Variants in RANBP2 observed in about 807,000 individuals in gnomAD.
RANBP2 encodes the protein E3 SUMO-protein ligase RanBP2.
Under a neutral mutation model 303.6 loss-of-function variants are expected in RANBP2, and 57 were observed. The ratio of observed to expected loss-of-function variants is 0.19; its 90% CI spans 0.15 to 0.23. The LOEUF (loss-of-function observed/expected upper bound fraction) is 0.23. RANBP2 is among the 10% of genes least tolerant of loss of function. The pLI is 1.00. For synonymous variants in RANBP2, 1,167 were observed against 1,301.5 expected, an observed-to-expected ratio of 0.90 and a Z score of 2.23; for missense variants, 3,138 against 3,780.8, an observed-to-expected ratio of 0.83 and a Z score of 4.46.
chr2:109,033,977 G>A, the RANBP2 span, among the ~76,000 whole-genome samples: 1 of 144,712 alleles, frequency 6.9e-6, no homozygotes, highest in Non-Finnish European at 1.5e-5. Flanking sequence ...AAAAGGTAAG[G>A]TTCAGCCAGG....
chr2:108,845,606 C>T, the RANBP2 span, among the ~76,000 whole-genome samples: 4 of 139,206 alleles, frequency 2.9e-5, no homozygotes, highest in East Asian at 8.3e-4. Flanking sequence ...GAGTCTCGCT[C>T]TGTCACCCAG....
chr2:109,466,442 G>T, the RANBP2 span, among the ~76,000 whole-genome samples: 1 of 152,192 alleles, frequency 6.6e-6, no homozygotes, highest in East Asian at 1.9e-4. Context: ...TGGGTTGTTT[G>T]TTTTCTTATA....
the RANBP2 span, among the ~76,000 whole-genome samples, chr2:109,194,641 C>G: frequency 6.6e-6 from 1 of 152,214 alleles, no homozygotes; most frequent in African/African-American, 2.4e-5. Flanking sequence ...TCTGCATATA[C>G]AGGAAGAGAT....
the RANBP2 span, among the ~76,000 whole-genome samples, chr2:109,493,613 C>A: frequency 1.5e-3 from 231 of 150,994 alleles, no homozygotes; most frequent in African/African-American, 4.8e-3. Context: ...ACACACACTG[C>A]AAACNCACAC....
At chr2:109,700,111 C>T in the RANBP2 span, among the ~76,000 whole-genome samples, 3 of 152,284 alleles carry the variant, frequency 2.0e-5, no homozygotes, top group Admixed American at 6.5e-5. Flanking sequence ...TTGTTCTCCC[C>T]ATTTAAAAAG....
chr2:109,091,378 ATTAGAAGC>A, the RANBP2 span, among the ~76,000 whole-genome samples: 1 of 152,012 alleles, frequency 6.6e-6, no homozygotes, highest in East Asian at 1.9e-4. Context: ...CCTGCCCCTG[ATTAGAAGC>A]TTCTAGTTTT....
chr2:109,063,806 A>AC, the RANBP2 span, among the ~76,000 whole-genome samples: 1 of 152,166 alleles, frequency 6.6e-6, no homozygotes, highest in South Asian at 2.1e-4. Context: ...AATAGAAAAA[A>AC]AAAAAACAAA....
At chr2:108,875,025 A>T in the RANBP2 span, among the ~76,000 whole-genome samples, 1 of 151,680 alleles carries the variant, frequency 6.6e-6, no homozygotes, top group Non-Finnish European at 1.5e-5. Flanking sequence ...TTAGACTTAG[A>T]TAAAAAAACA....
Position 108,784,732 on chromosome 2 carries a change from T to C in RANBP2, c.*831T>C, listed in dbSNP as rs994868177. ...CGTTAAAGATTTGCTTTATACAAGA[T>C]TGTTGCAGTACCTTTTTCTGGTAAA... On this transcript the variant is annotated 3_prime_UTR_variant, in exon 29 of 29. Transcript: ENST00000283195. 3 of 152,610 alleles carry C rather than the reference T, an allele frequency of 2.0e-5. No individual in the cohort carries two copies. The highest frequency in any genetic ancestry group is 6.5e-5 in the Admixed American group (1 of 15,286). The allele number at this position is 152,610 out of a possible 1,614,324, so 9.5% of individuals were successfully genotyped here.
the RANBP2 span, among the ~76,000 whole-genome samples, chr2:109,718,608 G>C: frequency 6.6e-6 from 1 of 152,172 alleles, no homozygotes; most frequent in Admixed American, 6.5e-5. Flanking sequence ...ACAAGTACCA[G>C]GTTTCTTTTT....
the RANBP2 span, among the ~76,000 whole-genome samples, chr2:109,494,914 G>T: frequency 1.3e-5 from 2 of 152,176 alleles, no homozygotes; most frequent in Non-Finnish European, 2.9e-5. Flanking sequence ...AGGTGCTGCA[G>T]AGGGAGCTCC....
At chr2:109,348,013 C>T in the RANBP2 span, 1 of 1,526,642 alleles carries the variant, frequency 6.6e-7, no homozygotes, top group Non-Finnish European at 8.8e-7. Context: ...CAGGGCTCTT[C>T]CCAGCCACAG....
the RANBP2 span, among the ~76,000 whole-genome samples, chr2:109,099,712 C>G: frequency 6.6e-6 from 1 of 152,112 alleles, no homozygotes; most frequent in Admixed American, 6.5e-5. Flanking sequence ...CTCTTTCCAG[C>G]CTCCTATATC....
the RANBP2 span, among the ~76,000 whole-genome samples, chr2:108,975,773 CCAGGCTCCGTGCG>C: frequency 6.6e-6 from 1 of 152,118 alleles, no homozygotes; most frequent in Non-Finnish European, 1.5e-5. Flanking sequence ...GCACTGTCGG[CCAGGCTCCGTGCG>C]GCATCAGGAT....
the RANBP2 span, among the ~76,000 whole-genome samples, chr2:109,672,743 A>G: frequency 1.1e-4 from 16 of 152,334 alleles, no homozygotes; most frequent in African/African-American, 3.8e-4. Context: ...AATTATTTTA[A>G]GGTTATGACA....
the RANBP2 span, chr2:109,545,016 A>T: frequency 1.0e-6 from 1 of 985,478 alleles, no homozygotes; most frequent in Non-Finnish European, 1.2e-6. Flanking sequence ...TCCATATTTA[A>T]AAATTGAAAG....
At chr2:108,800,607 G>C in the RANBP2 span, among the ~76,000 whole-genome samples, 38 of 55,334 alleles carry the variant, frequency 6.9e-4, no homozygotes, top group African/African-American at 3.1e-3. Context: ...TCTCAGTTTA[G>C]CTTTTTTTTT....
downstream of RANBP2, among the ~76,000 whole-genome samples, chr2:108,789,196 G>A (rs986740580): frequency 6.6e-6 from 1 of 152,120 alleles, no homozygotes; most frequent in African/African-American, 2.4e-5. Flanking sequence ...ATAATGGAAA[G>A]TTATTTATAT....
chr2:109,449,268 A>G, the RANBP2 span: 1 of 1,611,738 alleles, frequency 6.2e-7, no homozygotes, highest in African/African-American at 1.3e-5. Flanking sequence ...CACCAGCCTC[A>G]GGCCCCACTC....
Sources: gnomAD v4.1 joint callset for allele counts (sites outside exome capture counted in the v4.1 genomes callset) on GRCh38, gnomAD v4.1.1 for gene constraint, MANE v1.5 for transcripts, NCBI Gene and HGNC (gene_info 2026-07-23, HGNC 2026-07-21) for gene names.